Variants in COL6A1 observed in about 807,000 individuals in gnomAD.
COL6A1 encodes collagen type VI alpha 1 chain.
In COL6A1, 80 loss-of-function variants were observed where a neutral mutation model predicts 145.6. The ratio of observed to expected loss-of-function variants is 0.55; its 90% CI spans 0.46 to 0.66. COL6A1 has a LOEUF of 0.66. Ranked by LOEUF, COL6A1 falls within the 30% of genes least tolerant of loss-of-function variation. COL6A1 has a pLI of 0.00. For synonymous variants in COL6A1, 638 were observed against 622.8 expected, an observed-to-expected ratio of 1.02 and a Z score of -0.36; for missense variants, 1,364 against 1,473.8, an observed-to-expected ratio of 0.93 and a Z score of 1.22.
At chr21:46,002,154 C>T (rs2077849969) in intron 31 of COL6A1, 64 bp from the exon 32 acceptor site, 1 of 1,574,266 alleles carries the variant, frequency 6.4e-7, no homozygotes, top group Admixed American at 1.9e-5. Flanking sequence ...CCCCTGATCC[C>T]AGGTGGGCTC....
chr21:45,982,517 C>T (rs2077713824), intron 1 of COL6A1, 117 bp from the exon 2 acceptor site: 1 of 1,468,800 alleles, frequency 6.8e-7, no homozygotes, highest in Non-Finnish European at 9.4e-7. Flanking sequence ...CCGGGAGAGC[C>T]TCTCCGGGCC....
chr21:45,983,369 G>A (rs987194578), intron 2 of COL6A1, among the ~76,000 whole-genome samples: 2 of 151,598 alleles, frequency 1.3e-5, no homozygotes, highest in African/African-American at 4.9e-5. Flanking sequence ...GAGGGGAGTC[G>A]GTCCTGTGGG....
Position 45,994,177 on chromosome 21 carries a change from G to A in COL6A1, c.1346G>A (p.Gly449Asp), listed in dbSNP as rs1362351843. The A allele has an allele frequency of 6.2e-7, 1 of 1,603,490 alleles. No individual in the cohort carries two copies. The highest frequency in any genetic ancestry group is 8.5e-7 in the Non-Finnish European group (1 of 1,176,096). ...RGPRGDPGEAGPQGDQGREGP... is the reference protein window; with the variant it reads ...RGPRGDPGEADPQGDQGREGP... ...CTCGTTTCTCTTCAGGGTGAAGCTGGCCCGCAGGGTGATCAGGGAAGAGAA... is the reference window on the plus strand; with the variant it reads ...CTCGTTTCTCTTCAGGGTGAAGCTGACCCGCAGGGTGATCAGGGAAGAGAA... The change falls in exon 20 of 35, where the codon GGC (glycine) becomes GAC (aspartate). Residue 449 changes from glycine (G) to aspartate (D), a missense_variant. Gly to Asp is a moderately conservative substitution (Grantham distance 94). This residue lies in a region of COL6A1 where 938 missense variants were observed against 1,003.8 expected (regional missense o/e 0.93). Coordinates refer to ENST00000361866, the MANE Select transcript of COL6A1 (RefSeq NM_001848.3). The surrounding 1 kb of genome is among the most constrained non-coding windows in gnomAD (Gnocchi z 6.8).
chr21:45,992,471 C>G (rs2077782472), intron 18 of COL6A1, 73 bp downstream of exon 18: 2 of 1,549,844 alleles, frequency 1.3e-6, no homozygotes, highest in African/African-American at 1.4e-5. Context: ...GCGGCCCAGT[C>G]TGGCCCTCCC....
chr21:45,990,587 T>TGGG (rs2077770999), intron 13 of COL6A1, among the ~76,000 whole-genome samples, 165 bp downstream of exon 13: 1 of 129,942 alleles, frequency 7.7e-6, no homozygotes, highest in African/African-American at 3.0e-5. Flanking sequence ...TGGGGTGAGG[T>TGGG]GATCCCGGCA....
rs374838238 is a variant in COL6A1, at chr21:46,001,913, C to T, written c.1957-48C>T. On this transcript the variant is annotated intron_variant, in intron 30 of 34. Coordinates refer to ENST00000361866, the MANE Select transcript of COL6A1 (RefSeq NM_001848.3). ...TAGAGTCACCCTTGGGAAGCTTATG[C>T]GGACCTGGGGCAGCACTCGCGTCCT... 8 of 1,539,814 alleles carry T rather than the reference C, an allele frequency of 5.2e-6. No individual in the cohort carries two copies. In the South Asian group the frequency reaches 5.8e-5, roughly 11 times the overall value.
At chr21:45,982,171 C>A (rs2077711495) in intron 1 of COL6A1, among the ~76,000 whole-genome samples, 1 of 152,094 alleles carries the variant, frequency 6.6e-6, no homozygotes, top group African/African-American at 2.4e-5. Flanking sequence ...CGGGGCCGGA[C>A]CGCAGGCAGC....
At position 45,986,488 on chromosome 21, in the gene COL6A1, C is replaced by G. The variant is rs185362521; in HGVS notation, c.429-38C>G. 2.0e-5 allele frequency: 31 copies of G among 1,548,992 alleles called. No individual in the cohort carries two copies. In the Admixed American group the frequency reaches 6.1e-4, roughly 30 times the overall value. Reference sequence around the variant, plus strand: ...CTTGGGTCTCCCTCCAGTTCCCCCACCTAGTCTCGAGGTCTCACGCTGCCC... The same window carrying G: ...CTTGGGTCTCCCTCCAGTTCCCCCAGCTAGTCTCGAGGTCTCACGCTGCCC... On this transcript the variant is annotated intron_variant, in intron 3 of 34. Coordinates refer to ENST00000361866, the MANE Select transcript of COL6A1 (RefSeq NM_001848.3).
intron 8 of COL6A1, 139 bp downstream of exon 8, chr21:45,987,793 G>GTCCAGATGGAGGGGACGGCGGGA: frequency 3.1e-5 from 15 of 484,554 alleles, no homozygotes; most frequent in Non-Finnish European, 4.3e-5. Flanking sequence ...GGACGGCGGG[G>GTCCAGATGGAGGGGACGGCGGGA]GTCCAGATGG....
chr21:45,989,281 G>A (rs2077760277), intron 9 of COL6A1, 144 bp downstream of exon 9: 1 of 917,682 alleles, frequency 1.1e-6, no homozygotes, highest in East Asian at 2.5e-5. Context: ...GACCTGGAGG[G>A]GCCACAGCCC....
chr21:45,998,699 G>C (rs1333988580), intron 24 of COL6A1, among the ~76,000 whole-genome samples, 198 bp from the exon 25 acceptor site: 1 of 152,212 alleles, frequency 6.6e-6, no homozygotes, highest in East Asian at 1.9e-4. Context: ...GGTGCGCAGG[G>C]CAGGCCCAGC....
intron 3 of COL6A1, among the ~76,000 whole-genome samples, 163 bp from the exon 4 acceptor site, chr21:45,986,363 C>T (rs1224263807): frequency 6.6e-6 from 1 of 152,152 alleles, no homozygotes; most frequent in African/African-American, 2.4e-5. Flanking sequence ...CGTTATTTCC[C>T]ATGGTGAGGT....
intron 25 of COL6A1, 49 bp downstream of exon 25, chr21:45,999,008 A>C (rs762325901): frequency 1.7e-4 from 268 of 1,548,798 alleles, no homozygotes; most frequent in Non-Finnish European, 1.7e-5. Context: ...CCTGAGCCAG[A>C]GGGCTGGGCC....
At position 45,984,422 on chromosome 21, in the gene COL6A1, C is replaced by T. The variant is rs75180385; in HGVS notation, c.381C>T (p.Thr127=). 1.5e-4 allele frequency: 244 copies of T among 1,612,428 alleles called. 2 individuals are homozygous for T. In the African/African-American group the frequency reaches 2.8e-3, roughly 19 times the overall value. The change falls in exon 3 of 35, where the codon ACC becomes ACT. Residue 127 remains threonine, a synonymous_variant. Coordinates refer to ENST00000361866, the MANE Select transcript of COL6A1 (RefSeq NM_001848.3). ...VDAVKYFGKG[T]YTDCAIKKGL... ...CGGTCAAGTACTTTGGGAAGGGCAC[C>T]TACACCGACTGCGCTATCAAGAAGG...
chr21:45,987,793 G>GTCCAGATGGAGGGGACAGCGGGA, intron 8 of COL6A1, 139 bp downstream of exon 8: 1 of 484,554 alleles, frequency 2.1e-6, no homozygotes, highest in Non-Finnish European at 3.3e-6. Context: ...GGACGGCGGG[G>GTCCAGATGGAGGGGACAGCGGGA]GTCCAGATGG....
At chr21:45,996,896 G>A (rs771223088) in intron 20 of COL6A1, among the ~76,000 whole-genome samples, 3 of 152,204 alleles carry the variant, frequency 2.0e-5, no homozygotes, top group South Asian at 2.1e-4. Context: ...GCAGGGTGGT[G>A]TCCAGGCTCA....
In COL6A1 at chr21:45,994,600, G is replaced by A. The variant is rs2077794939; in HGVS notation, c.1398+371G>A. On this transcript the variant is annotated intron_variant, in intron 20 of 34. Coordinates refer to ENST00000361866, the MANE Select transcript of COL6A1 (RefSeq NM_001848.3). The surrounding 1 kb of genome is among the most constrained non-coding windows in gnomAD (Gnocchi z 6.8). ...ATCTGTTTTTCTGGGTCAGGAGCCA[G>A]GCATGACTGTGGCTGGAGGTCAACT... 6.6e-6 allele frequency among the ~76,000 whole-genome samples: 1 copy of A among 152,206 alleles called. No individual in the cohort carries two copies. Among genetic ancestry groups the A allele is most frequent in the African/African-American group, 2.4e-5 (1 of 41,446 alleles).
At position 46,003,394 on chromosome 21, in the gene COL6A1, C is replaced by A. The variant is rs749442445; in HGVS notation, c.2468C>A (p.Thr823Lys). 8 of 1,600,416 alleles carry A rather than the reference C, an allele frequency of 5.0e-6. No individual in the cohort carries two copies. Among genetic ancestry groups the A allele is most frequent in the Non-Finnish European group, 2.5e-6 (3 of 1,179,722 alleles). ...KKCPDYTCPITFSSPADITIL... is the reference protein window; with the variant it reads ...KKCPDYTCPIKFSSPADITIL... ...GGCTGCCCACCCCGCCCCGCAGTCA[C>A]GTTCTCCTCCCCGGCTGACATCACC... Residue 823 changes from threonine (T) to lysine (K), a missense_variant, in exon 35 of 35, where the codon ACG becomes AAG. Transcript: ENST00000361866.
chr21:45,982,837 A>G, intron 2 of COL6A1, 74 bp downstream of exon 2: 1 of 1,586,762 alleles, frequency 6.3e-7, no homozygotes, highest in African/African-American at 1.4e-5. Flanking sequence ...GCCCAGGGGA[A>G]CACGGGTGCG....
Sources: allele counts gnomAD v4.1 joint callset (sites outside exome capture counted in the v4.1 genomes callset), GRCh38; gene constraint gnomAD v4.1.1; regional missense constraint gnomAD v4.1.1; non-coding constraint Gnocchi (gnomAD v3.1); transcripts MANE v1.5; gene names NCBI Gene and HGNC (gene_info 2026-07-23, HGNC 2026-07-21).